The following CCDC180 variants were observed in gnomAD, a reference collection of about 807,000 sequenced individuals.
CCDC180 encodes the protein coiled-coil domain containing 180.
Under a neutral mutation model 209.2 loss-of-function variants are expected in CCDC180, and 154 were observed. That is an observed-to-expected ratio of 0.74 (90% CI 0.65 to 0.84). The LOEUF is 0.84. CCDC180 is among the 40% of genes least tolerant of loss of function. The pLI is 0.00. For missense variants in CCDC180, 1,874 were observed against 1,997.3 expected, an observed-to-expected ratio of 0.94 and a Z score of 1.18; for synonymous variants, 778 against 749.1, an observed-to-expected ratio of 1.04 and a Z score of -0.63.
At chr9:97,326,719 C>T (rs2118654192) in intron 15 of CCDC180, 50 bp downstream of exon 15, 1 of 1,217,570 alleles carries the variant, frequency 8.2e-7, no homozygotes, top group East Asian at 2.3e-5. Flanking sequence ...AGGAATTCAT[C>T]TTCAAGGTCA....
At chr9:97,356,469 T>C (rs948867397) in intron 24 of CCDC180, among the ~76,000 whole-genome samples, 1 of 152,222 alleles carries the variant, frequency 6.6e-6, no homozygotes, top group Non-Finnish European at 1.5e-5. Flanking sequence ...GGAGCTGATA[T>C]GTGCTAAACT....
At chr9:97,360,723 G>T (rs1826727008) in intron 26 of CCDC180, among the ~76,000 whole-genome samples, 1 of 151,954 alleles carries the variant, frequency 6.6e-6, no homozygotes, top group African/African-American at 2.4e-5. Flanking sequence ...TCTGGGTCGG[G>T]GTCTCCCGGC....
At chr9:97,338,067 G>C (rs1441009603) in intron 18 of CCDC180, among the ~76,000 whole-genome samples, 1 of 151,050 alleles carries the variant, frequency 6.6e-6, no homozygotes, top group Admixed American at 6.6e-5. Context: ...TCTTCATTAG[G>C]CTTGCTAGAG....
chr9:97,375,462 C>G lies in CCDC180; in HGVS notation c.4715C>G (p.Pro1572Arg), dbSNP rs1827225742. The change falls in exon 36 of 37, where the codon CCA (proline) becomes CGA (arginine). Residue 1572 changes from proline (P) to arginine (R), a missense_variant. Coordinates refer to ENST00000529487, the MANE Select transcript of CCDC180 (RefSeq NM_020893.6). ...PLIERGSRKWPGIKPTEVTIQ... is the reference protein window; with the variant it reads ...PLIERGSRKWRGIKPTEVTIQ... ...CACATGTTTGTTTGTAGGAAGTGGC[C>G]AGGGATCAAACCCACCGAAGTCACC... The G allele has an allele frequency of 3.1e-6, 5 of 1,614,144 alleles. No homozygotes were observed. Among genetic ancestry groups the G allele is most frequent in the Non-Finnish European group, 4.2e-6 (5 of 1,180,036 alleles).
chr9:97,325,325 T>C, intron 14 of CCDC180, 133 bp downstream of exon 14: 1 of 839,496 alleles, frequency 1.2e-6, no homozygotes, highest in Non-Finnish European at 1.8e-6. Flanking sequence ...ACGTTGGTCA[T>C]GGGATCAGAT....
intron 14 of CCDC180, 31 bp downstream of exon 14, chr9:97,325,223 A>T: frequency 6.4e-7 from 1 of 1,557,874 alleles, no homozygotes; most frequent in Non-Finnish European, 8.7e-7. Context: ...TCCATGTTTC[A>T]CACCACAAAC....
chr9:97,313,993 C>T lies in CCDC180; in HGVS notation c.460-400C>T, dbSNP rs114512584. On this transcript the variant is annotated intron_variant, in intron 5 of 36. Coordinates refer to ENST00000529487, the MANE Select transcript of CCDC180 (RefSeq NM_020893.6). ...GGCTCTCCAGCCGTGTTTCTTCATA[C>T]GTCCCAACTAGATGCCAGGTCTGCT... Among the ~76,000 whole-genome samples, 9 of 152,338 alleles carry T rather than the reference C, an allele frequency of 5.9e-5. No individual in the cohort carries two copies. In the East Asian group the frequency reaches 1.2e-3, roughly 20 times the overall value.
Position 97,362,211 on chromosome 9 carries a change from AT to A in CCDC180, c.3673del (p.Trp1225GlyfsTer110). Reference protein sequence around the residue: ...RKLLQLPNTKWPTHHCDKDPS... With the variant: ...RKLLQLPNTKXPTHHCDKDPS... Reference sequence around the variant, plus strand: ...TTGGTTTCAGACTTCCCAACACAAAATGGCCAACCCACCATTGTGACAAAGA... The same window carrying A: ...TTGGTTTCAGACTTCCCAACACAAAAGGCCAACCCACCATTGTGACAAAGA... On this transcript the variant is annotated frameshift_variant, in exon 28 of 37. Coordinates refer to ENST00000529487, the MANE Select transcript of CCDC180 (RefSeq NM_020893.6). LOFTEE classifies it high-confidence loss of function. 1 of 1,612,612 alleles carries A rather than the reference AT, an allele frequency of 6.2e-7. No homozygotes were observed.
intron 22 of CCDC180, 32 bp from the exon 23 acceptor site, chr9:97,354,536 CT>C: frequency 6.2e-7 from 1 of 1,612,082 alleles, no homozygotes. Flanking sequence ...TAGGTCTGAT[CT>C]GTGGCTTTTA....
rs567602704 is a variant in CCDC180 at position 97,325,134 on chromosome 9, A to G, written c.1487A>G (p.Glu496Gly). The change falls in exon 14 of 37, where the codon GAG becomes GGG. Residue 496 changes from glutamate (E) to glycine (G), a missense_variant. Transcript: ENST00000529487. ...CACCAGAGCGAGCTGTTGGTGCAGG[A>G]GCTGGAGCTGGAGAAGAGGATGGAG... The part of the protein sequence containing the change: ...EAHQSELLVQ[E>G]LELEKRMEQH... 2 of 1,612,258 alleles carry G rather than the reference A, an allele frequency of 1.2e-6. No individual in the cohort carries two copies. Among genetic ancestry groups the G allele is most frequent in the South Asian group, 2.2e-5 (2 of 90,508 alleles).
chr9:97,361,031 G>T (rs1826736863), intron 26 of CCDC180, among the ~76,000 whole-genome samples: 3 of 152,204 alleles, frequency 2.0e-5, no homozygotes, highest in Admixed American at 6.5e-5. Flanking sequence ...GGGGTGTCCA[G>T]TAGCATGGGG....
chr9:97,351,911 G>A (rs1467550587), intron 22 of CCDC180, among the ~76,000 whole-genome samples: 4 of 152,114 alleles, frequency 2.6e-5, no homozygotes, highest in East Asian at 3.9e-4. Context: ...TCAGGAGTTC[G>A]AGAGTAGCCT....
At chr9:97,324,534 G>A (rs963452532) in intron 13 of CCDC180, among the ~76,000 whole-genome samples, 1 of 152,230 alleles carries the variant, frequency 6.6e-6, no homozygotes, top group Non-Finnish European at 1.5e-5. Context: ...GTCTACAGGT[G>A]GCAGCTTGCC....
At chr9:97,307,929 T>G (rs1832848798) in intron 1 of CCDC180, 54 bp from the exon 2 acceptor site, 1 of 1,578,242 alleles carries the variant, frequency 6.3e-7, no homozygotes, top group African/African-American at 1.4e-5. Flanking sequence ...AGGCCAGACG[T>G]CGTCCCGCCT....
At chr9:97,347,520 G>A (rs1448988407) in intron 20 of CCDC180, 31 bp downstream of exon 20, 2 of 1,527,356 alleles carry the variant, frequency 1.3e-6, no homozygotes, top group East Asian at 4.9e-5. Flanking sequence ...TGTCTGCCCT[G>A]CCCGCAGCCA....
At chr9:97,308,970 A>C (rs1295572387) in intron 2 of CCDC180, among the ~76,000 whole-genome samples, 1 of 152,150 alleles carries the variant, frequency 6.6e-6, no homozygotes, top group Non-Finnish European at 1.5e-5. Context: ...ATAATTCTAT[A>C]ATTTCTAATG....
intron 15 of CCDC180, among the ~76,000 whole-genome samples, chr9:97,327,647 T>C (rs1459561360): frequency 2.0e-5 from 3 of 152,178 alleles, no homozygotes; most frequent in Non-Finnish European, 4.4e-5. Context: ...TACGTAACCC[T>C]ATGAGCCTTG....
At chr9:97,312,018 C>A (rs1286856988) in intron 3 of CCDC180, 95 bp from the exon 4 acceptor site, 6 of 1,014,204 alleles carry the variant, frequency 5.9e-6, no homozygotes, top group Non-Finnish European at 9.3e-6. Context: ...GCCCACAGTC[C>A]CTCTGGAGAA....
Position 97,365,744 on chromosome 9 carries a change from G to C in CCDC180, c.4047+5G>C, listed in dbSNP as rs200136328. The C allele has an allele frequency of 2.4e-4, 395 of 1,613,532 alleles. No individual in the cohort carries two copies. The highest frequency in any genetic ancestry group is 2.7e-4 in the Non-Finnish European group (313 of 1,179,790). On this transcript the variant is annotated splice_donor_5th_base_variant and intron_variant, in intron 30 of 36. Coordinates refer to ENST00000529487, the MANE Select transcript of CCDC180 (RefSeq NM_020893.6). ...AACCTGCTGACAGTCGCAGAGGTGA[G>C]GACCACCACCCATGGCCTGTGCCTG...
Sources: allele counts gnomAD v4.1 joint callset (sites outside exome capture counted in the v4.1 genomes callset), GRCh38; gene constraint gnomAD v4.1.1; transcripts MANE v1.5; gene names NCBI Gene and HGNC (gene_info 2026-07-23, HGNC 2026-07-21).